RBFOX1: variants seen among roughly 807,000 people sequenced by gnomAD.
RBFOX1 encodes the protein RNA binding protein fox-1 homolog 1.
Under a neutral mutation model 57.7 loss-of-function variants are expected in RBFOX1, and 8 were observed. The ratio of observed to expected loss-of-function variants is 0.14; its 90% CI spans 0.08 to 0.25. The LOEUF (loss-of-function observed/expected upper bound fraction) is 0.25. RBFOX1 is among the 10% of genes least tolerant of loss of function. The probability of loss-of-function intolerance (pLI) is 1.00; values close to 1 mark genes in which losing one functional copy is unlikely to be tolerated. For synonymous variants in RBFOX1, 326 were observed against 222.4 expected, an observed-to-expected ratio of 1.47 and a Z score of -4.15; for missense variants, 611 against 548.5, an observed-to-expected ratio of 1.11 and a Z score of -1.14.
At chr16:7,507,262 C>T (rs1303675264) in intron 4 of RBFOX1, among the ~76,000 whole-genome samples, 1 of 152,118 alleles carries the variant, frequency 6.6e-6, no homozygotes, top group African/African-American at 2.4e-5. Context: ...ACACTCTGAA[C>T]CCATTCCTCC....
At chr16:5,253,013 C>T (rs1033773917) in intron 1 of RBFOX1, among the ~76,000 whole-genome samples, 10 of 152,346 alleles carry the variant, frequency 6.6e-5, no homozygotes, top group African/African-American at 1.7e-4. Flanking sequence ...GATTCATCAG[C>T]GTGAGGGGTT....
At chr16:5,766,391 C>G (rs1045781232) in intron 3 of RBFOX1, among the ~76,000 whole-genome samples, 1 of 152,134 alleles carries the variant, frequency 6.6e-6, no homozygotes, top group African/African-American at 2.4e-5. Context: ...TCAAGACCAT[C>G]CTGGCCAACA....
intron 1 of RBFOX1, among the ~76,000 whole-genome samples, chr16:5,356,567 C>G (rs971757422): frequency 6.6e-6 from 1 of 152,146 alleles, no homozygotes; most frequent in African/African-American, 2.4e-5. Flanking sequence ...TTTTATCTCT[C>G]TGTTGTGTCC....
chr16:5,699,019 G>A (rs1289706972), intron 3 of RBFOX1, among the ~76,000 whole-genome samples: 1 of 124,440 alleles, frequency 8.0e-6, no homozygotes, highest in African/African-American at 3.2e-5. Context: ...ACAGAGTCTT[G>A]CTCTGTTGCC....
chr16:7,234,604 G>GTT (rs1268571690), intron 4 of RBFOX1, among the ~76,000 whole-genome samples: 1 of 150,428 alleles, frequency 6.6e-6, no homozygotes. Context: ...GTGTGTGTGT[G>GTT]TGTGTATATA....
chr16:5,864,160 T>C (rs1370773588), intron 3 of RBFOX1, among the ~76,000 whole-genome samples: 6 of 152,174 alleles, frequency 3.9e-5, no homozygotes, highest in Non-Finnish European at 7.3e-5. Context: ...CAGTATTTGG[T>C]TTTCTGTTGC....
chr16:6,290,473 G>A (rs566802764), intron 1 of RBFOX1, among the ~76,000 whole-genome samples: 1 of 152,030 alleles, frequency 6.6e-6, no homozygotes, highest in Non-Finnish European at 1.5e-5. Flanking sequence ...ACCTGAAAGT[G>A]AGCATCAGTC....
chr16:6,413,176 G>A (rs1310908321), intron 2 of RBFOX1, among the ~76,000 whole-genome samples: 2 of 152,104 alleles, frequency 1.3e-5, no homozygotes, highest in African/African-American at 4.8e-5. Context: ...AAAATTAGCT[G>A]GGTGTGGTGG....
intron 3 of RBFOX1, among the ~76,000 whole-genome samples, chr16:6,986,528 C>T (rs760537080): frequency 6.6e-6 from 1 of 152,158 alleles, no homozygotes; most frequent in Non-Finnish European, 1.5e-5. Flanking sequence ...ATGGGCTCAA[C>T]TGATTCACCT....
intron 4 of RBFOX1, among the ~76,000 whole-genome samples, chr16:7,426,826 G>A (rs1300986641): frequency 3.9e-5 from 6 of 152,226 alleles, no homozygotes; most frequent in South Asian, 4.1e-4. Context: ...AGGCTGTCTG[G>A]GGGACAGGTC....
chr16:6,767,278 C>T (rs1290946183), intron 3 of RBFOX1, among the ~76,000 whole-genome samples: 1 of 152,060 alleles, frequency 6.6e-6, no homozygotes, highest in Non-Finnish European at 1.5e-5. Context: ...TCCAAGGAGA[C>T]TCAGTCTCAG....
At chr16:6,844,116 C>T (rs2093634904) in intron 3 of RBFOX1, among the ~76,000 whole-genome samples, 1 of 115,748 alleles carries the variant, frequency 8.6e-6, no homozygotes, top group African/African-American at 3.8e-5. Flanking sequence ...TCACATCTTC[C>T]CTGCATGGCT....
intron 2 of RBFOX1, among the ~76,000 whole-genome samples, chr16:6,509,764 C>T (rs2096209799): frequency 6.6e-6 from 1 of 152,134 alleles, no homozygotes; most frequent in Admixed American, 6.5e-5. Context: ...GATTATTAAG[C>T]ATTGCAGATC....
rs540243088 is a variant in RBFOX1, at chr16:5,898,052, C to G, written c.351+30717C>G. 3.3e-5 allele frequency among the ~76,000 whole-genome samples: 5 copies of G among 152,186 alleles called. No individual in the cohort carries two copies. In the South Asian group the frequency reaches 1.0e-3, roughly 32 times the overall value. ...TTAATTGACTCACGGTTCTTCTTGA[C>G]TGGGTAGGCCTCAGGAATCTTTCAA... On this transcript the variant is annotated intron_variant, in intron 4 of 19. Coordinates refer to the RBFOX1 transcript ENST00000641259.
chr16:7,697,519 GCAT>G (rs2079166390), intron 14 of RBFOX1, among the ~76,000 whole-genome samples: 1 of 21,238 alleles, frequency 4.7e-5, no homozygotes, highest in Non-Finnish European at 1.2e-4. Context: ...ATACATACAT[GCAT>G]GTATATGTAT....
intron 12 of RBFOX1, among the ~76,000 whole-genome samples, 195 bp downstream of exon 12, chr16:7,654,142 C>T (rs2065760678): frequency 6.6e-6 from 1 of 152,186 alleles, no homozygotes; most frequent in Non-Finnish European, 1.5e-5. Context: ...GTAATTTGTC[C>T]TGTCATGGTT....
At chr16:6,473,051 C>A (rs1597741877) in intron 2 of RBFOX1, among the ~76,000 whole-genome samples, 1 of 152,148 alleles carries the variant, frequency 6.6e-6, no homozygotes. Flanking sequence ...GAGAGGAACA[C>A]CCATGATTAC....
At chr16:5,763,742 G>C (rs978928898) in intron 3 of RBFOX1, among the ~76,000 whole-genome samples, 4 of 152,134 alleles carry the variant, frequency 2.6e-5, no homozygotes, top group Admixed American at 2.6e-4. Flanking sequence ...TGGTAACTCG[G>C]TTGCACTTTA....
intron 3 of RBFOX1, among the ~76,000 whole-genome samples, chr16:6,988,496 A>G (rs1057010180): frequency 3.3e-5 from 5 of 152,014 alleles, no homozygotes; most frequent in Admixed American, 6.6e-5. Context: ...ATTGGGCTAA[A>G]TATATTTTTA....
Sources: allele counts gnomAD v4.1 joint callset (sites outside exome capture counted in the v4.1 genomes callset), GRCh38; gene constraint gnomAD v4.1.1; transcripts MANE v1.5; gene names NCBI Gene and HGNC (gene_info 2026-07-23, HGNC 2026-07-21).